Variants in STX2 observed in about 807,000 individuals in gnomAD.
STX2 encodes syntaxin 2, also known as syntaxin-2.
A neutral mutation model predicts 40.6 loss-of-function variants in STX2; 27 were observed. The observed-to-expected ratio is 0.66, with a 90% CI of 0.49 to 0.92. STX2 has a LOEUF of 0.92. Among genes scored for constraint, STX2 ranks in the 40% least tolerant of loss-of-function variants. STX2 has a pLI of 0.00. For synonymous variants in STX2, 123 were observed against 119.1 expected (o/e 1.03, Z -0.22); for missense variants, 328 against 366.1 (o/e 0.90, Z 0.85).
At chr12:130,794,561 T>A (rs995016928) in intron 10 of STX2, among the ~76,000 whole-genome samples, 2 of 152,210 alleles carry the variant, frequency 1.3e-5, no homozygotes, top group African/African-American at 4.8e-5. Context: ...CGTGGTGCGA[T>A]CTAGACTCAC....
intron 1 of STX2, among the ~76,000 whole-genome samples, chr12:130,829,381 C>G (rs1028337863): frequency 6.6e-6 from 1 of 151,990 alleles, no homozygotes; most frequent in African/African-American, 2.4e-5. Flanking sequence ...GGCTGAAACA[C>G]AGTGCAGGGA....
chr12:130,828,931 C>G (rs182498893), intron 1 of STX2, among the ~76,000 whole-genome samples: 3 of 151,298 alleles, frequency 2.0e-5, no homozygotes, highest in Middle Eastern at 3.4e-3. Context: ...GCAGCAGAAA[C>G]TAACATTAAG....
intron 10 of STX2, among the ~76,000 whole-genome samples, chr12:130,792,829 C>T (rs1486019842): frequency 6.6e-6 from 1 of 152,184 alleles, no homozygotes; most frequent in Non-Finnish European, 1.5e-5. Flanking sequence ...TTCATTCATT[C>T]TTCTACTGCA....
rs1339001577 is a variant in STX2, at chr12:130,839,074, G to A, written c.26C>T (p.Thr9Met). MRDRLPDL[T>M]ACRKNDDGDT... ...CTACCCGCGGCTGCCGCTCACCGCC[G>A]TCAGGTCTGGCAGCCGGTCCCGCAT... The change falls in exon 1 of 11, where the codon ACG becomes ATG. Residue 9 changes from threonine (T) to methionine (M), a missense_variant. Physicochemically the swap from Thr to Met is moderately conservative, Grantham distance 81. Transcript: ENST00000392373. The A allele has an allele frequency of 2.3e-6, 3 of 1,320,312 alleles. No individual in the cohort carries two copies. In the East Asian group the frequency reaches 9.9e-5, roughly 44 times the overall value. The allele number at this position is 1,320,312 out of a possible 1,614,324, so 81.8% of individuals were successfully genotyped here.
At chr12:130,834,805 C>T (rs1461537654) in intron 1 of STX2, among the ~76,000 whole-genome samples, 1 of 152,134 alleles carries the variant, frequency 6.6e-6, no homozygotes, top group Non-Finnish European at 1.5e-5. Flanking sequence ...TAAATATATG[C>T]ATATATAAAA....
At chr12:130,829,597 C>T (rs1341261386) in intron 1 of STX2, among the ~76,000 whole-genome samples, 1 of 152,318 alleles carries the variant, frequency 6.6e-6, no homozygotes, top group East Asian at 1.9e-4. Context: ...GATCTACTCC[C>T]CTGTGCGTGC....
At chr12:130,833,410 CTTTTTT>C (rs5801939) in intron 1 of STX2, among the ~76,000 whole-genome samples, 1 of 120,652 alleles carries the variant, frequency 8.3e-6, no homozygotes, top group Non-Finnish European at 1.8e-5. Flanking sequence ...ATCACTCTAC[CTTTTTT>C]TTTTTTTTTT....
At chr12:130,799,365 C>T (rs907859002) in intron 8 of STX2, among the ~76,000 whole-genome samples, 2 of 152,186 alleles carry the variant, frequency 1.3e-5, no homozygotes, top group African/African-American at 4.8e-5. Flanking sequence ...AGGGATGCAG[C>T]CATTTTTCTA....
At chr12:130,806,770 G>A (rs768757421) in intron 6 of STX2, among the ~76,000 whole-genome samples, 3 of 152,190 alleles carry the variant, frequency 2.0e-5, no homozygotes, top group African/African-American at 4.8e-5. Context: ...CAACAGCAAT[G>A]AGCAAGGTAA....
intron 1 of STX2, among the ~76,000 whole-genome samples, chr12:130,830,768 AT>A (rs1306237103): frequency 3.3e-5 from 5 of 152,178 alleles, no homozygotes; most frequent in African/African-American, 1.2e-4. Context: ...ATGAATGTCC[AT>A]GTTCAGTCTT....
chr12:130,808,586 T>C (rs368645375), intron 5 of STX2, 45 bp downstream of exon 5: 22 of 1,528,502 alleles, frequency 1.4e-5, no homozygotes, highest in Admixed American at 5.6e-5. Context: ...GTAAAAACAC[T>C]TATTCTGCGA....
chr12:130,822,402 C>A (rs1360026161), intron 2 of STX2, among the ~76,000 whole-genome samples: 5 of 151,414 alleles, frequency 3.3e-5, no homozygotes, highest in African/African-American at 7.3e-5. Flanking sequence ...GGCAACAGAG[C>A]AAGACTCTGT....
At chr12:130,801,630 G>A (rs1951231448) in intron 6 of STX2, 142 bp from the exon 7 acceptor site, 3 of 828,980 alleles carry the variant, frequency 3.6e-6, no homozygotes, top group Admixed American at 7.4e-5. Flanking sequence ...AGCAGATATT[G>A]ACAATGAGAA....
chr12:130,793,501 G>A (rs1300623071), intron 10 of STX2, among the ~76,000 whole-genome samples: 1 of 152,228 alleles, frequency 6.6e-6, no homozygotes, highest in African/African-American at 2.4e-5. Flanking sequence ...CCTGCCACGT[G>A]TCTGGGTGCT....
At chr12:130,818,998 G>A (rs1340895371) in intron 3 of STX2, among the ~76,000 whole-genome samples, 1 of 152,164 alleles carries the variant, frequency 6.6e-6, no homozygotes, top group African/African-American at 2.4e-5. Flanking sequence ...AAAGAAAAAA[G>A]AAATAATACA....
chr12:130,836,396 G>A (rs1952758667), intron 1 of STX2, among the ~76,000 whole-genome samples: 1 of 151,934 alleles, frequency 6.6e-6, no homozygotes, highest in Non-Finnish European at 1.5e-5. Flanking sequence ...TCAGCCTCCT[G>A]AGTAGCTGGA....
intron 4 of STX2, among the ~76,000 whole-genome samples, chr12:130,810,266 C>T (rs940283250): frequency 6.6e-6 from 1 of 152,076 alleles, no homozygotes; most frequent in African/African-American, 2.4e-5. Context: ...TGTAATATTG[C>T]CCTTATTAAG....
intron 8 of STX2, among the ~76,000 whole-genome samples, chr12:130,800,103 C>T (rs754677604): frequency 2.6e-5 from 4 of 152,100 alleles, no homozygotes; most frequent in Admixed American, 2.0e-4. Flanking sequence ...TTCCGCTTCA[C>T]CTGGTGGTCA....
rs377323952 is a variant in STX2, at chr12:130,792,336, G to A, written c.*46-359C>T. Among the ~76,000 whole-genome samples the A allele has an allele frequency of 4.6e-5, 7 of 152,356 alleles. No homozygotes were observed. The East Asian group carries it at 9.6e-4, about 21-fold the overall frequency. ...AGCCTCCCAAAATGCTGGGATTACA[G>A]GCGTGAGGCACCAGGCCCGGCCGAC... On this transcript the variant is annotated intron_variant, in intron 10 of 10. Coordinates refer to ENST00000392373, the MANE Select transcript of STX2 (RefSeq NM_194356.4).
Sources: allele counts gnomAD v4.1 joint callset (sites outside exome capture counted in the v4.1 genomes callset), GRCh38; gene constraint gnomAD v4.1.1; transcripts MANE v1.5; gene names NCBI Gene and HGNC (gene_info 2026-07-23, HGNC 2026-07-21).